DLL3: variants seen among roughly 807,000 people sequenced by gnomAD.
DLL3 encodes the protein delta-like protein 3.
A neutral mutation model predicts 55.0 loss-of-function variants in DLL3; 49 were observed. The observed-to-expected ratio is 0.89, with a 90% CI of 0.71 to 1.13. DLL3 has a LOEUF of 1.13. Ranked by LOEUF, DLL3 falls within the 50% of genes most tolerant of loss-of-function variation. DLL3 has a pLI of 0.00. For synonymous variants in DLL3, 421 were observed against 385.2 expected (o/e 1.09, Z -1.09); for missense variants, 962 against 875.5 (o/e 1.10, Z -1.25).
In DLL3 at chr19:39,507,859, A is replaced by G; in HGVS notation, c.1703A>G (p.Asp568Gly). Reference protein sequence around the residue: ...SSSVDWNRPEDVDPQGIYVIS... With the variant: ...SSSVDWNRPEGVDPQGIYVIS... ...TCCGTAGATTGGAATCGCCCTGAAGATGTAGACCCTCAAGGGATTTATGTC... is the reference window on the plus strand; with the variant it reads ...TCCGTAGATTGGAATCGCCCTGAAGGTGTAGACCCTCAAGGGATTTATGTC... The change falls in exon 8 of 9, where the codon GAT (aspartate) becomes GGT (glycine). Residue 568 changes from aspartate to glycine, a missense_variant. By Grantham distance (94) the Asp-to-Gly change is moderately conservative (BLOSUM62 -1). Transcript: ENST00000356433. 2 of 1,614,086 alleles carry G rather than the reference A, an allele frequency of 1.2e-6. No individual in the cohort carries two copies. Among genetic ancestry groups the G allele is most frequent in the Non-Finnish European group, 1.7e-6 (2 of 1,180,028 alleles).
At chr19:39,508,168 C>G in intron 8 of DLL3, 84 bp from the exon 9 acceptor site, 1 of 1,614,098 alleles carries the variant, frequency 6.2e-7, no homozygotes, top group Non-Finnish European at 8.5e-7. Context: ...TCCGCCAGAG[C>G]TTTTCCACTG....
chr19:39,500,432 C>CCA lies in DLL3; in HGVS notation c.352-183_352-182insCA, dbSNP rs879663840. ...CAAAGTGAGATTCTCCCCCCCCCCC[C>CCA]AAAAAAAAGCCACAGATGTCATTCC... is the stretch of plus-strand genomic sequence containing the variant. On this transcript the variant is annotated intron_variant, in intron 2 of 8. Coordinates refer to ENST00000356433, the MANE Select transcript of DLL3 (RefSeq NM_203486.3). Among the ~76,000 whole-genome samples, 265 of 121,990 alleles carry CCA rather than the reference C, an allele frequency of 2.2e-3. 2 individuals are homozygous for CCA. The highest frequency in any genetic ancestry group is 7.6e-3 in the African/African-American group (235 of 30,794). The allele number at this position is 121,990 out of a possible 152,430, so 80.0% of individuals were successfully genotyped here. A position where few individuals can be genotyped will look rare whatever the true frequency, so the allele number is the denominator to read the frequency against.
Position 39,507,250 on chromosome 19 carries a change from G to C in DLL3, c.1305G>C (p.Ala435=). 6.6e-7 allele frequency: 1 copy of C among 1,507,320 alleles called. No individual in the cohort carries two copies. Among genetic ancestry groups the C allele is most frequent in the Non-Finnish European group, 8.8e-7 (1 of 1,135,196 alleles). The allele number at this position is 1,507,320 out of a possible 1,614,324, so 93.4% of individuals were successfully genotyped here. Residue 435 remains alanine (A), a synonymous_variant, in exon 7 of 9, where the codon GCG becomes GCC. Coordinates refer to ENST00000356433, the MANE Select transcript of DLL3 (RefSeq NM_203486.3). ...GCGAGCGCGCGGACCCGTGCGCCGC[G>C]CGCCCCTGTGCTCACGGCGGCCGCT... ...DCRERADPCA[A]RPCAHGGRCY...
intron 2 of DLL3, 129 bp downstream of exon 2, chr19:39,499,602 C>T: frequency 8.2e-7 from 1 of 1,216,736 alleles, no homozygotes. Context: ...AATTCCCAGA[C>T]CAGTAACTCT....
chr19:39,500,206 T>C (rs1466611751), intron 2 of DLL3, among the ~76,000 whole-genome samples: 1 of 149,920 alleles, frequency 6.7e-6, no homozygotes, highest in Non-Finnish European at 1.5e-5. Context: ...GGCAGGAGGA[T>C]CTCCTGAGCC....
intron 6 of DLL3, among the ~76,000 whole-genome samples, chr19:39,505,939 G>C (rs1318348502): frequency 6.6e-6 from 1 of 152,082 alleles, no homozygotes; most frequent in Non-Finnish European, 1.5e-5. Context: ...GGCCCGGCAC[G>C]GCGACTCACG....
intron 3 of DLL3, 30 bp downstream of exon 3, chr19:39,500,702 G>A: frequency 6.2e-7 from 1 of 1,603,636 alleles, no homozygotes; most frequent in Non-Finnish European, 8.5e-7. Flanking sequence ...GGACTGGTGG[G>A]GAGCTGGGGC....
chr19:39,502,731 G>A, intron 3 of DLL3, 84 bp from the exon 4 acceptor site: 10 of 1,280,140 alleles, frequency 7.8e-6, no homozygotes, highest in Non-Finnish European at 8.9e-6. Context: ...TGGGAGGGGC[G>A]GGGAGAATGC....
In DLL3 at chr19:39,507,169, G is replaced by A; in HGVS notation, c.1224G>A (p.Glu408=). Residue 408 remains glutamate (E), a synonymous_variant, in exon 7 of 9, where the codon GAG becomes GAA. Transcript: ENST00000356433. ...GCGCTAACGGCGGCACGTGTGTGGAGGGCGGCGGCGCGCACCGCTGCTCCT... is the reference window on the plus strand; with the variant it reads ...GCGCTAACGGCGGCACGTGTGTGGAAGGCGGCGGCGCGCACCGCTGCTCCT... ...RACANGGTCV[E]GGGAHRCSCA... 5 of 1,373,016 alleles carry A rather than the reference G, an allele frequency of 3.6e-6. No homozygotes were observed. Among genetic ancestry groups the A allele is most frequent in the Non-Finnish European group, 4.7e-6 (5 of 1,072,232 alleles). 85.1% of individuals were successfully genotyped at this position (1,373,016 alleles called of 1,614,324 possible). A position where few individuals can be genotyped will look rare whatever the true frequency, so the allele number is the denominator to read the frequency against.
chr19:39,505,637 G>T (rs1259849389), intron 6 of DLL3, 186 bp downstream of exon 6: 7 of 631,388 alleles, frequency 1.1e-5, no homozygotes, highest in Non-Finnish European at 1.9e-5. Flanking sequence ...TATTTACTGA[G>T]AATTTACTGT....
chr19:39,500,187 G>A (rs996067768), intron 2 of DLL3, among the ~76,000 whole-genome samples: 2 of 151,848 alleles, frequency 1.3e-5, no homozygotes, highest in African/African-American at 4.8e-5. Flanking sequence ...CAGCACTTTG[G>A]GAGGTCTAGG....
chr19:39,504,661 A>G (rs970271627), intron 5 of DLL3, among the ~76,000 whole-genome samples: 1 of 152,124 alleles, frequency 6.6e-6, no homozygotes, highest in African/African-American at 2.4e-5. Flanking sequence ...GACATCAGAG[A>G]AGGCTTCCTG....
Position 39,504,120 on chromosome 19 carries a change from C to G in DLL3, c.702C>G (p.Pro234=), listed in dbSNP as rs1316480394. Reference sequence around the variant, plus strand: ...CTGAGCATGGCTTCTGTGAACAGCCCGGTGAATGCCGATGCCTAGAGGGCT... The same window carrying G: ...CTGAGCATGGCTTCTGTGAACAGCCGGGTGAATGCCGATGCCTAGAGGGCT... ...CSPEHGFCEQ[P]GECRCLEGWT... Residue 234 remains proline, a synonymous_variant, in exon 5 of 9, where the codon CCC becomes CCG. Transcript: ENST00000356433. The G allele has an allele frequency of 1.9e-6, 3 of 1,612,966 alleles. No homozygotes were observed. Among genetic ancestry groups the G allele is most frequent in the African/African-American group, 1.3e-5 (1 of 74,916 alleles).
In DLL3 at chr19:39,504,263, C is replaced by T. The variant is rs368487646; in HGVS notation, c.845C>T (p.Pro282Leu). The T allele has an allele frequency of 5.0e-6, 8 of 1,612,858 alleles. No individual in the cohort carries two copies. The highest frequency in any genetic ancestry group is 2.2e-5 in the South Asian group (2 of 91,094). Reference protein sequence around the residue: ...VPGPGPCDGNPCANGGSCSET... With the variant: ...VPGPGPCDGNLCANGGSCSET... ...GGGCCTGGGCCCTGTGACGGGAACC[C>T]GTGTGCCAATGGAGGCAGCTGTAGT... The change falls in exon 5 of 9, where the codon CCG becomes CTG. Residue 282 changes from proline (P) to leucine (L), a missense_variant. Coordinates refer to ENST00000356433, the MANE Select transcript of DLL3 (RefSeq NM_203486.3).
intron 3 of DLL3, 52 bp from the exon 4 acceptor site, chr19:39,502,763 T>C: frequency 7.6e-7 from 1 of 1,319,572 alleles, no homozygotes; most frequent in Non-Finnish European, 9.6e-7. Flanking sequence ...TCCGTATGCA[T>C]CCATGTTCGG....
chr19:39,507,131 G>C lies in DLL3; in HGVS notation c.1186G>C (p.Ala396Pro). Residue 396 changes from alanine to proline, a missense_variant, in exon 7 of 9, where the codon GCG becomes CCG. Physicochemically the swap from Ala to Pro is conservative, Grantham distance 27 (BLOSUM62 -1). Coordinates refer to ENST00000356433, the MANE Select transcript of DLL3 (RefSeq NM_203486.3). ...CTGCGAGCACGACCTGGACGACTGC[G>C]CGGGCCGCGCCTGCGCTAACGGCGG... ...PRCEHDLDDC[A>P]GRACANGGTC... 6.6e-7 allele frequency: 1 copy of C among 1,523,654 alleles called. No individual in the cohort carries two copies. Among genetic ancestry groups the C allele is most frequent in the Non-Finnish European group, 8.7e-7 (1 of 1,143,086 alleles). The allele number at this position is 1,523,654 out of a possible 1,614,324, so 94.4% of individuals were successfully genotyped here.
At position 39,507,804 on chromosome 19, in the gene DLL3, T is replaced by G. The variant is rs749284798; in HGVS notation, c.1674-26T>G. The G allele has an allele frequency of 3.8e-5, 62 of 1,613,734 alleles. No homozygotes were observed. In the South Asian group the frequency reaches 6.7e-4, roughly 17 times the overall value. On this transcript the variant is annotated intron_variant, in intron 7 of 8. Transcript: ENST00000356433. ...GATCTGAGAATTTAAAGAGTCTGAG[T>G]TTTTCTTCTTTCTCTCCTCCCACAG... is the stretch of plus-strand genomic sequence containing the variant.
intron 8 of DLL3, 60 bp downstream of exon 8, chr19:39,507,974 G>A: frequency 6.2e-7 from 1 of 1,613,988 alleles, no homozygotes; most frequent in Non-Finnish European, 8.5e-7. Context: ...GGCAGCACCT[G>A]CTTTTTCCCT....
At chr19:39,501,359 T>C (rs952745465) in intron 3 of DLL3, among the ~76,000 whole-genome samples, 2 of 147,054 alleles carry the variant, frequency 1.4e-5, no homozygotes, top group African/African-American at 4.9e-5. Flanking sequence ...CCGTGGGATG[T>C]TGGAGCTTCA....
Sources: gnomAD v4.1 joint callset for allele counts (sites outside exome capture counted in the v4.1 genomes callset) on GRCh38, gnomAD v4.1.1 for gene constraint, MANE v1.5 for transcripts, NCBI Gene and HGNC (gene_info 2026-07-23, HGNC 2026-07-21) for gene names.